Variants in EHBP1 observed in about 807,000 individuals in gnomAD.
EHBP1 encodes the protein EH domain binding protein 1.
In EHBP1, 55 loss-of-function variants were observed where a neutral mutation model predicts 144.0. That is an observed-to-expected ratio of 0.38 (90% CI 0.31 to 0.48). The LOEUF is 0.48. Among genes scored for constraint, EHBP1 ranks in the 20% least tolerant of loss-of-function variants. EHBP1 has a pLI of 0.98. For synonymous variants in EHBP1, 469 were observed against 472.7 expected, an observed-to-expected ratio of 0.99 and a Z score of 0.10; for missense variants, 1,200 against 1,364.2, an observed-to-expected ratio of 0.88 and a Z score of 1.90.
At chr2:62,696,269 C>T (rs2034088163) in intron 1 of EHBP1, among the ~76,000 whole-genome samples, 1 of 151,378 alleles carries the variant, frequency 6.6e-6, no homozygotes, top group Non-Finnish European at 1.5e-5. Flanking sequence ...CTCCCAGGTT[C>T]AAGCAATTCT....
At chr2:62,931,315 T>TAA (rs1312869862) in intron 10 of EHBP1, among the ~76,000 whole-genome samples, 1 of 152,126 alleles carries the variant, frequency 6.6e-6, no homozygotes, top group African/African-American at 2.4e-5. Context: ...ATCAAAACCA[T>TAA]AATGAGATAC....
chr2:62,799,942 A>G (rs1409659059), intron 5 of EHBP1, among the ~76,000 whole-genome samples: 4 of 152,104 alleles, frequency 2.6e-5, no homozygotes, highest in Admixed American at 2.0e-4. Flanking sequence ...TCCTTTAGAG[A>G]CTGTCACATT....
In EHBP1 at chr2:63,045,479, G is replaced by A; in HGVS notation, c.3462G>A (p.Glu1154=). 6.2e-7 allele frequency: 1 copy of A among 1,613,962 alleles called. No homozygotes were observed. The highest frequency in any genetic ancestry group is 8.5e-7 in the Non-Finnish European group (1 of 1,179,862). ...EQNKGKMAKK[E]EKCVLQ ...ACAAAGGCAAGATGGCCAAGAAAGAGGAGAAATGTGTTCTTCAGTAGCCAT... is the reference window on the plus strand; with the variant it reads ...ACAAAGGCAAGATGGCCAAGAAAGAAGAGAAATGTGTTCTTCAGTAGCCAT... The change falls in exon 23 of 23, where the codon GAG becomes GAA. Residue 1154 remains glutamate, a synonymous_variant. Coordinates refer to ENST00000431489, the MANE Select transcript of EHBP1 (RefSeq NM_001142616.3). This position sits in a 1 kb window ranked among gnomAD's most constrained non-coding sequence, Gnocchi z 5.7.
chr2:63,024,601 C>CA (rs35534053), intron 19 of EHBP1, among the ~76,000 whole-genome samples: 18,013 of 107,270 alleles, frequency 0.17, 1,507 homozygotes, highest in Middle Eastern at 0.24. Flanking sequence ...GACCCTGTCT[C>CA]AAAAAAAAAA....
rs761382729 is a variant in EHBP1 at position 63,020,980 on chromosome 2, A to ATTTTTTT, written c.3104-16535_3104-16529dup. On this transcript the variant is annotated intron_variant, in intron 19 of 22. Coordinates refer to ENST00000431489, the MANE Select transcript of EHBP1 (RefSeq NM_001142616.3). ...GGTATGAGCCACCGTGCCTGGCCTC[A>ATTTTTTT]TTTTTTTTTTTTTTTTTTTTTTTTT... Among the ~76,000 whole-genome samples, 6 of 68,572 alleles carry ATTTTTTT rather than the reference A, an allele frequency of 8.7e-5. 1 individual carries two copies. The highest frequency in any genetic ancestry group is 3.7e-4 in the African/African-American group (6 of 16,304). 45.0% of individuals were successfully genotyped at this position (68,572 alleles called of 152,430 possible). A position where few individuals can be genotyped will look rare whatever the true frequency, so the allele number is the denominator to read the frequency against.
rs557139315 is a variant in EHBP1 at position 63,016,774 on chromosome 2, A to G, written c.3103+20008A>G. 2.6e-4 allele frequency among the ~76,000 whole-genome samples: 39 copies of G among 152,274 alleles called. No individual in the cohort carries two copies. In the South Asian group the frequency reaches 7.9e-3, roughly 31 times the overall value. ...CAATATGCAGAAGGTAAAAAAGCAT[A>G]TAAGAACATGTCAAACAATTGATTC... On this transcript the variant is annotated intron_variant, in intron 19 of 22. Coordinates refer to ENST00000431489, the MANE Select transcript of EHBP1 (RefSeq NM_001142616.3).
chr2:62,728,116 G>A (rs1203000736), intron 2 of EHBP1, among the ~76,000 whole-genome samples: 3 of 152,188 alleles, frequency 2.0e-5, no homozygotes, highest in Non-Finnish European at 4.4e-5. Context: ...TAATTGTTAA[G>A]CATTCTTTCC....
intron 5 of EHBP1, among the ~76,000 whole-genome samples, chr2:62,808,515 C>G (rs538260722): frequency 7.6e-4 from 115 of 152,254 alleles, no homozygotes; most frequent in African/African-American, 2.6e-3. Flanking sequence ...TCACTCTGGT[C>G]TTACAGGCTG....
chr2:62,866,799 A>G lies in EHBP1; in HGVS notation c.998+1828A>G, dbSNP rs1352171172. Among the ~76,000 whole-genome samples, 4 of 152,274 alleles carry G rather than the reference A, an allele frequency of 2.6e-5. No homozygotes were observed. The East Asian group carries it at 7.7e-4, about 29-fold the overall frequency. On this transcript the variant is annotated intron_variant, in intron 9 of 22. Coordinates refer to ENST00000431489, the MANE Select transcript of EHBP1 (RefSeq NM_001142616.3). ...GAGAAGGTAAGAGGACAGAAAAAGT[A>G]TTTGAAGAAGTAAACACCAAAAGTT...
intron 10 of EHBP1, among the ~76,000 whole-genome samples, chr2:62,907,597 G>A (rs1470678080): frequency 6.6e-6 from 1 of 152,078 alleles, no homozygotes; most frequent in Non-Finnish European, 1.5e-5. Context: ...GCATTCTCTG[G>A]ACTCTTACAA....
chr2:62,932,951 CAAAAA>C (rs1163755712), intron 10 of EHBP1, among the ~76,000 whole-genome samples: 1 of 46,210 alleles, frequency 2.2e-5, no homozygotes, highest in Admixed American at 2.3e-4. Flanking sequence ...GACTCCATCT[CAAAAA>C]AAAAAAAAAA....
intron 15 of EHBP1, among the ~76,000 whole-genome samples, chr2:62,989,316 C>T (rs886636066): frequency 4.6e-5 from 7 of 151,856 alleles, no homozygotes; most frequent in Non-Finnish European, 8.8e-5. Flanking sequence ...TCCATAAGTA[C>T]TGGATTTAAT....
chr2:62,823,478 T>C (rs890247226), intron 5 of EHBP1, among the ~76,000 whole-genome samples: 3 of 152,046 alleles, frequency 2.0e-5, no homozygotes, highest in Non-Finnish European at 2.9e-5. Flanking sequence ...TCTCTCTCTC[T>C]CCCTGGCTGA....
intron 19 of EHBP1, among the ~76,000 whole-genome samples, chr2:63,021,852 C>T (rs751694083): frequency 5.9e-5 from 9 of 152,018 alleles, no homozygotes; most frequent in East Asian, 3.9e-4. Flanking sequence ...CTACAACCTC[C>T]GCCTCCCAGG....
At chr2:62,876,611 G>T (rs2050908347) in intron 10 of EHBP1, among the ~76,000 whole-genome samples, 1 of 152,144 alleles carries the variant, frequency 6.6e-6, no homozygotes. Context: ...ATTTTAAAAG[G>T]AGGTTAAATT....
At chr2:62,878,824 A>C (rs916766118) in intron 10 of EHBP1, among the ~76,000 whole-genome samples, 6 of 151,946 alleles carry the variant, frequency 3.9e-5, no homozygotes, top group Non-Finnish European at 8.8e-5. Flanking sequence ...GCCTGGCCAA[A>C]ATGGAGAAAT....
At chr2:62,838,951 A>T (rs2152704221) in intron 7 of EHBP1, among the ~76,000 whole-genome samples, 1 of 137,318 alleles carries the variant, frequency 7.3e-6, no homozygotes, top group Admixed American at 7.4e-5. Context: ...AAACTATTCC[A>T]ATCAATAGAA....
intron 10 of EHBP1, among the ~76,000 whole-genome samples, chr2:62,898,740 AAG>A (rs1444860671): frequency 6.6e-6 from 1 of 152,194 alleles, no homozygotes; most frequent in African/African-American, 2.4e-5. Flanking sequence ...AAGGAAAAGA[AAG>A]AGGGAGAGAA....
chr2:63,016,967 T>C (rs2060511057), intron 19 of EHBP1, among the ~76,000 whole-genome samples: 1 of 152,178 alleles, frequency 6.6e-6, no homozygotes, highest in African/African-American at 2.4e-5. Context: ...TGTTCTTCAA[T>C]ATTTAATCCA....
Sources: allele counts gnomAD v4.1 joint callset (sites outside exome capture counted in the v4.1 genomes callset), GRCh38; gene constraint gnomAD v4.1.1; non-coding constraint Gnocchi (gnomAD v3.1); transcripts MANE v1.5; gene names NCBI Gene and HGNC (gene_info 2026-07-23, HGNC 2026-07-21).